The following MIPEP variants were observed in gnomAD, a reference collection of about 807,000 sequenced individuals.
MIPEP encodes the protein mitochondrial intermediate peptidase.
A neutral mutation model predicts 90.3 loss-of-function variants in MIPEP; 79 were observed. The observed-to-expected ratio is 0.87, with a 90% CI of 0.73 to 1.05. MIPEP has a LOEUF of 1.05. Ranked by LOEUF, MIPEP falls within the 50% of genes least tolerant of loss-of-function variation. The pLI, the probability that MIPEP is intolerant of heterozygous loss-of-function variation, is 0.00. For synonymous variants in MIPEP, 334 were observed against 315.8 expected (o/e 1.06, Z -0.61); for missense variants, 940 against 905.6 (o/e 1.04, Z -0.49).
chr13:23,807,851 A>C (rs1953128049), intron 15 of MIPEP, among the ~76,000 whole-genome samples: 1 of 152,222 alleles, frequency 6.6e-6, no homozygotes, highest in Non-Finnish European at 1.5e-5. Context: ...AACATGGGGT[A>C]ACTTTTTTGA....
At chr13:23,816,323 G>C (rs1318259399) in intron 14 of MIPEP, among the ~76,000 whole-genome samples, 1 of 152,076 alleles carries the variant, frequency 6.6e-6, no homozygotes, top group Non-Finnish European at 1.5e-5. Flanking sequence ...CAGAGTTCTT[G>C]GATGCTTGGT....
At chr13:23,783,186 A>G (rs544073116) in intron 16 of MIPEP, among the ~76,000 whole-genome samples, 25 of 152,320 alleles carry the variant, frequency 1.6e-4, no homozygotes, top group Admixed American at 1.4e-3. Context: ...TCCCTGATGA[A>G]CATCAGTGCA....
At chr13:23,774,318 A>G (rs1243692655) in intron 16 of MIPEP, among the ~76,000 whole-genome samples, 1 of 152,034 alleles carries the variant, frequency 6.6e-6, no homozygotes, top group Admixed American at 6.5e-5. Context: ...GTAGCTCTGT[A>G]GTAACTGCTT....
Position 23,837,577 on chromosome 13 carries a change from T to C in MIPEP, c.1518A>G (p.Gly506=). 2 of 1,613,842 alleles carry C rather than the reference T, an allele frequency of 1.2e-6. No homozygotes were observed. The highest frequency in any genetic ancestry group is 1.7e-6 in the Non-Finnish European group (2 of 1,179,760). ...CAGTGACGTGTTGGTAACGAGTACG[T>C]CCTAGCATTGAATGCATGGCATGTC... ...EMGHAMHSML[G]RTRYQHVTGT... Residue 506 remains glycine, a synonymous_variant, in exon 13 of 19, where the codon GGA becomes GGG. Coordinates refer to ENST00000382172, the MANE Select transcript of MIPEP (RefSeq NM_005932.4).
intron 1 of MIPEP, chr13:23,888,230 A>ACT: frequency 3.0e-6 from 1 of 329,446 alleles, no homozygotes; most frequent in Non-Finnish European, 5.9e-6. Flanking sequence ...TAATACCAAC[A>ACT]CTACATACCC....
At chr13:23,807,694 C>T (rs1953126020) in intron 15 of MIPEP, among the ~76,000 whole-genome samples, 1 of 152,194 alleles carries the variant, frequency 6.6e-6, no homozygotes, top group Non-Finnish European at 1.5e-5. Flanking sequence ...TACTCAATGT[C>T]TTACCTATAT....
intron 16 of MIPEP, among the ~76,000 whole-genome samples, chr13:23,798,692 G>T (rs1952992704): frequency 1.3e-5 from 2 of 152,252 alleles, no homozygotes; most frequent in Admixed American, 1.3e-4. Flanking sequence ...TTTCTTGTAA[G>T]ATCGGGTTGT....
chr13:23,809,218 A>G (rs1162107332), intron 15 of MIPEP, among the ~76,000 whole-genome samples: 1 of 152,230 alleles, frequency 6.6e-6, no homozygotes, highest in African/African-American at 2.4e-5. Context: ...TTTTAAAAAG[A>G]TACAAAATGA....
intron 4 of MIPEP, among the ~76,000 whole-genome samples, chr13:23,877,887 T>C (rs967936458): frequency 6.6e-6 from 1 of 152,218 alleles, no homozygotes; most frequent in Non-Finnish European, 1.5e-5. Context: ...TACTTCCAAG[T>C]TGCTTTTCTT....
At chr13:23,780,177 C>T (rs534040182) in intron 16 of MIPEP, among the ~76,000 whole-genome samples, 56 of 152,346 alleles carry the variant, frequency 3.7e-4, no homozygotes, top group South Asian at 1.2e-3. Flanking sequence ...CCCTGACCCC[C>T]GAGTAGCCTA....
intron 18 of MIPEP, among the ~76,000 whole-genome samples, chr13:23,751,350 C>T (rs566206152): frequency 2.2e-4 from 33 of 152,306 alleles, no homozygotes; most frequent in African/African-American, 5.8e-4. Flanking sequence ...TAAGGTAAGG[C>T]CCTGCGGGCT....
chr13:23,825,906 A>G (rs150811760), intron 14 of MIPEP, among the ~76,000 whole-genome samples: 88 of 152,294 alleles, frequency 5.8e-4, no homozygotes, highest in African/African-American at 2.0e-3. Flanking sequence ...TTCTCTTAAC[A>G]TCGCTTTAAA....
At chr13:23,802,081 A>G (rs1269348384) in intron 16 of MIPEP, among the ~76,000 whole-genome samples, 1 of 152,182 alleles carries the variant, frequency 6.6e-6, no homozygotes, top group African/African-American at 2.4e-5. Context: ...GCAGTGTATA[A>G]GAGTTCCTGT....
intron 10 of MIPEP, chr13:23,842,207 A>C (rs1467028858): frequency 1.3e-5 from 2 of 152,206 alleles, no homozygotes; most frequent in Admixed American, 6.5e-5. Context: ...TGGCTCTAGA[A>C]TATTGTAGGT....
At position 23,874,843 on chromosome 13, in the gene MIPEP, T is replaced by C. The variant is rs770900668; in HGVS notation, c.603+3A>G. The C allele has an allele frequency of 2.5e-6, 4 of 1,586,048 alleles. No individual in the cohort carries two copies. The highest frequency in any genetic ancestry group is 3.4e-6 in the Non-Finnish European group (4 of 1,170,880). On this transcript the variant is annotated splice_donor_region_variant and intron_variant, in intron 5 of 18. Coordinates refer to ENST00000382172, the MANE Select transcript of MIPEP (RefSeq NM_005932.4). ...GAGTCAAAAAAACAGCAGAAAGATG[T>C]ACCTTTTCTTTGTCTAGATGGATTC...
intron 10 of MIPEP, 81 bp downstream of exon 10, chr13:23,858,779 C>CT: frequency 8.0e-7 from 1 of 1,245,174 alleles, no homozygotes; most frequent in Non-Finnish European, 1.2e-6. Flanking sequence ...CTGTGGGCGA[C>CT]TCAGTGGATG....
At chr13:23,823,556 C>T (rs200869921) in intron 14 of MIPEP, among the ~76,000 whole-genome samples, 1 of 152,154 alleles carries the variant, frequency 6.6e-6, no homozygotes, top group Admixed American at 6.5e-5. Flanking sequence ...GAGCTGGGCA[C>T]GGTGGCTCAC....
intron 16 of MIPEP, among the ~76,000 whole-genome samples, chr13:23,761,048 A>G (rs1377061139): frequency 6.6e-6 from 1 of 152,184 alleles, no homozygotes; most frequent in African/African-American, 2.4e-5. Context: ...GACAAAACAA[A>G]AAGTCACAGA....
intron 12 of MIPEP, among the ~76,000 whole-genome samples, chr13:23,839,210 A>C (rs1444831053): frequency 6.6e-6 from 1 of 152,198 alleles, no homozygotes; most frequent in South Asian, 2.1e-4. Flanking sequence ...TATGGAAAAG[A>C]GTTAAAAGTT....
Sources: gnomAD v4.1 joint callset for allele counts (sites outside exome capture counted in the v4.1 genomes callset) on GRCh38, gnomAD v4.1.1 for gene constraint, MANE v1.5 for transcripts, NCBI Gene and HGNC (gene_info 2026-07-23, HGNC 2026-07-21) for gene names.